ZFHX3: variants seen among roughly 807,000 people sequenced by gnomAD.
The protein encoded by ZFHX3 is zinc finger homeobox 3.
In ZFHX3, 42 loss-of-function variants were observed where a neutral mutation model predicts 279.1. That is an observed-to-expected ratio of 0.15 (90% CI 0.12 to 0.19). The LOEUF (loss-of-function observed/expected upper bound fraction) is 0.19. Among genes scored for constraint, ZFHX3 ranks in the 10% least tolerant of loss-of-function variants. The pLI is 1.00. For synonymous variants in ZFHX3, 2,293 were observed against 1,957.8 expected (o/e 1.17, Z -4.52); for missense variants, 4,981 against 4,754.0 (o/e 1.05, Z -1.40).
chr16:73,045,743 A>G, intron 1 of ZFHX3, among the ~76,000 whole-genome samples: 1 of 146,858 alleles, frequency 6.8e-6, no homozygotes, highest in South Asian at 2.2e-4. Context: ...TTTTCAGGAG[A>G]AATGGAAAAC....
In ZFHX3 at chr16:72,796,947, G is replaced by A. The variant is rs765787618; in HGVS notation, c.5735C>T (p.Ala1912Val). The A allele has an allele frequency of 6.2e-7, 1 of 1,613,804 alleles. No individual in the cohort carries two copies. Among genetic ancestry groups the A allele is most frequent in the Non-Finnish European group, 8.5e-7 (1 of 1,179,998 alleles). The change falls in exon 9 of 10, where the codon GCC becomes GTC. Residue 1912 changes from alanine to valine, a missense_variant. This residue lies in a region of ZFHX3 where 1,751 missense variants were observed against 1,770.0 expected (regional missense o/e 0.99). Coordinates refer to ENST00000268489, the MANE Select transcript of ZFHX3 (RefSeq NM_006885.4). ...CTCTTTCTTCTCTTTGGCCTTCAAG[G>A]CATCTGGCAGTGTTTCCTTCGGACC... ...NTGPKETLPD[A>V]LKAKEKKELA...
chr16:73,249,314 A>G (rs2013409427), intron 5 of ZFHX3, among the ~76,000 whole-genome samples: 1 of 152,236 alleles, frequency 6.6e-6, no homozygotes, highest in Non-Finnish European at 1.5e-5. Context: ...ATTAAAGGAG[A>G]TTGTATTAGT....
At position 72,788,776 on chromosome 16, in the gene ZFHX3, G is replaced by C; in HGVS notation, c.9500C>G (p.Ser3167Cys). The C allele has an allele frequency of 6.4e-7, 1 of 1,555,220 alleles. No homozygotes were observed. Among genetic ancestry groups the C allele is most frequent in the Non-Finnish European group, 8.7e-7 (1 of 1,153,078 alleles). ...TTVPSPGLPT[S>C]GLPNKPSSAS... ...TGAGGACGGTTTATTTGGTAATCCAGAAGTGGGGAGGCCAGGGGAAGGAAC... is the reference window on the plus strand; with the variant it reads ...TGAGGACGGTTTATTTGGTAATCCACAAGTGGGGAGGCCAGGGGAAGGAAC... The change falls in exon 10 of 10, where the codon TCT (serine) becomes TGT (cysteine). Residue 3167 changes from serine to cysteine, a missense_variant. By Grantham distance (112) the Ser-to-Cys change is moderately radical. This residue lies in a region of ZFHX3 where 1,034 missense variants were observed against 786.0 expected (regional missense o/e 1.32). Transcript: ENST00000268489.
chr16:73,084,313 G>T (rs1965983747), intron 8 of ZFHX3, among the ~76,000 whole-genome samples: 1 of 152,140 alleles, frequency 6.6e-6, no homozygotes, highest in Non-Finnish European at 1.5e-5. Context: ...ATTACTGTTT[G>T]TAGATGACCT....
At chr16:73,409,782 A>G (rs939250139) in intron 3 of ZFHX3, among the ~76,000 whole-genome samples, 1 of 152,222 alleles carries the variant, frequency 6.6e-6, no homozygotes, top group African/African-American at 2.4e-5. Context: ...TTCAACCATA[A>G]AAAGAATGAG....
In ZFHX3 at chr16:73,389,320, A is replaced by G. The variant is rs566496983; in HGVS notation, c.-1291+66683T>C. Reference sequence around the variant, plus strand: ...ACTAGAACGGGGTGGAGTAGCCACAAAAAAAGACCATGTGGTCTGAAATAT... The same window carrying G: ...ACTAGAACGGGGTGGAGTAGCCACAGAAAAAGACCATGTGGTCTGAAATAT... On this transcript the variant is annotated intron_variant, in intron 3 of 17. Transcript: ENST00000641206. 6 of 152,344 alleles carry G rather than the reference A, an allele frequency of 3.9e-5. No individual in the cohort carries two copies. The South Asian group carries it at 6.2e-4, about 16-fold the overall frequency. 9.4% of individuals were successfully genotyped at this position (152,344 alleles called of 1,614,324 possible). A position where few individuals can be genotyped will look rare whatever the true frequency, so the allele number is the denominator to read the frequency against.
At chr16:73,668,929 T>G (rs2052873407) in intron 2 of ZFHX3, among the ~76,000 whole-genome samples, 1 of 152,130 alleles carries the variant, frequency 6.6e-6, no homozygotes, top group Non-Finnish European at 1.5e-5. Flanking sequence ...TATGGAGAAA[T>G]AGGAATACTT....
At chr16:73,689,905 C>T (rs2053131614) in intron 1 of ZFHX3, among the ~76,000 whole-genome samples, 2 of 151,670 alleles carry the variant, frequency 1.3e-5, no homozygotes, top group Admixed American at 6.6e-5. Context: ...CTGCAACCTC[C>T]GCCTCCCAGG....
chr16:72,787,407 C>T lies in ZFHX3; in HGVS notation c.10869G>A (p.Arg3623=). 3 of 1,601,430 alleles carry T rather than the reference C, an allele frequency of 1.9e-6. No individual in the cohort carries two copies. Among genetic ancestry groups the T allele is most frequent in the East Asian group, 2.2e-5 (1 of 44,450 alleles). ...SRKSWPQVVS[R]ASAAKPPSFP... is the part of the protein sequence containing the mutation. ...AAGAAGGGGGCTTCGCTGCCGAAGC[C>T]CGGGAGACCACTTGCGGCCAAGACT... The change falls in exon 10 of 10, where the codon CGG becomes CGA. Residue 3623 remains arginine (R), a synonymous_variant. Coordinates refer to ENST00000268489, the MANE Select transcript of ZFHX3 (RefSeq NM_006885.4).
At chr16:72,886,796 G>C (rs1165605315) in intron 4 of ZFHX3, among the ~76,000 whole-genome samples, 1 of 152,308 alleles carries the variant, frequency 6.6e-6, no homozygotes. Context: ...CACAATCCCT[G>C]GGTGGGGCAC....
At chr16:73,180,158 G>A (rs543292063) in intron 5 of ZFHX3, among the ~76,000 whole-genome samples, 8 of 152,160 alleles carry the variant, frequency 5.3e-5, no homozygotes, top group Non-Finnish European at 1.0e-4. Flanking sequence ...TTGGCCAGTC[G>A]TTCCTGTTTC....
At chr16:73,083,074 G>A (rs565906418) in intron 8 of ZFHX3, among the ~76,000 whole-genome samples, 2 of 151,500 alleles carry the variant, frequency 1.3e-5, no homozygotes, top group East Asian at 3.9e-4. Context: ...TTGGTGGCGG[G>A]TGCCTGTAAT....
chr16:73,872,538 A>C (rs2029864977), intron 1 of ZFHX3, among the ~76,000 whole-genome samples: 1 of 151,704 alleles, frequency 6.6e-6, no homozygotes, highest in South Asian at 2.1e-4. Context: ...AGGCCAGGTG[A>C]TCCTTTCTTA....
At chr16:73,205,780 T>C (rs1432596925) in intron 5 of ZFHX3, among the ~76,000 whole-genome samples, 1 of 152,142 alleles carries the variant, frequency 6.6e-6, no homozygotes, top group African/African-American at 2.4e-5. Context: ...GATCATTTGG[T>C]GGAAATTAGA....
intron 1 of ZFHX3, among the ~76,000 whole-genome samples, chr16:73,715,344 C>G (rs777004835): frequency 6.6e-6 from 1 of 152,074 alleles, no homozygotes; most frequent in East Asian, 1.9e-4. Context: ...CCCAGTTGAC[C>G]GTCTCATTCA....
chr16:72,929,881 C>G (rs569582692), intron 3 of ZFHX3, among the ~76,000 whole-genome samples: 1 of 152,282 alleles, frequency 6.6e-6, no homozygotes, highest in South Asian at 2.1e-4. Flanking sequence ...TCCCAGCCCC[C>G]CAGCATGAAA....
intron 3 of ZFHX3, among the ~76,000 whole-genome samples, chr16:72,933,236 T>C (rs1342414303): frequency 3.3e-5 from 5 of 152,060 alleles, no homozygotes; most frequent in Non-Finnish European, 5.9e-5. Flanking sequence ...TCTAGTGAAA[T>C]GTATGCCCTC....
At chr16:73,399,969 G>A (rs903967252) in intron 3 of ZFHX3, among the ~76,000 whole-genome samples, 1 of 151,842 alleles carries the variant, frequency 6.6e-6, no homozygotes, top group African/African-American at 2.4e-5. Context: ...AGTAACAGAC[G>A]TACTGACATA....
intron 3 of ZFHX3, among the ~76,000 whole-genome samples, chr16:72,916,682 A>G (rs1202831484): frequency 6.6e-6 from 1 of 152,222 alleles, no homozygotes; most frequent in Non-Finnish European, 1.5e-5. Flanking sequence ...AAATGTCTAG[A>G]AACAGATCCA....
Sources: allele counts gnomAD v4.1 joint callset (sites outside exome capture counted in the v4.1 genomes callset), GRCh38; gene constraint gnomAD v4.1.1; regional missense constraint gnomAD v4.1.1; transcripts MANE v1.5; gene names NCBI Gene and HGNC (gene_info 2026-07-23, HGNC 2026-07-21).